FNBP4: variants seen among roughly 807,000 people sequenced by gnomAD.
FNBP4 encodes formin-binding protein 4.
A neutral mutation model predicts 119.3 loss-of-function variants in FNBP4; 34 were observed. That is an observed-to-expected ratio of 0.28 (90% CI 0.22 to 0.38). FNBP4 has a LOEUF of 0.38. Ranked by LOEUF, FNBP4 falls within the 10% of genes least tolerant of loss-of-function variation. The pLI is 1.00. For synonymous variants in FNBP4, 462 were observed against 430.6 expected, an observed-to-expected ratio of 1.07 and a Z score of -0.90; for missense variants, 1,112 against 1,228.9, an observed-to-expected ratio of 0.90 and a Z score of 1.42.
At chr11:47,753,176 T>C (rs2097607746) in intron 3 of FNBP4, 74 bp from the exon 4 acceptor site, 1 of 1,309,008 alleles carries the variant, frequency 7.6e-7, no homozygotes, top group Non-Finnish European at 1.0e-6. Context: ...GCAATCACTT[T>C]TTAAAAATTC....
intron 12 of FNBP4, chr11:47,730,057 A>G (rs2097565673): frequency 9.1e-6 from 9 of 985,308 alleles, no homozygotes; most frequent in Admixed American, 1.2e-4. Flanking sequence ...ATACTCATCT[A>G]AAGTGTTCAC....
At chr11:47,745,266 TTTC>T (rs1240896482) in intron 7 of FNBP4, among the ~76,000 whole-genome samples, 1 of 152,174 alleles carries the variant, frequency 6.6e-6, no homozygotes, top group African/African-American at 2.4e-5. Context: ...GAGCCATATT[TTTC>T]TTCTTGCATA....
At chr11:47,766,074 C>A (rs2097647225) in intron 1 of FNBP4, among the ~76,000 whole-genome samples, 1 of 151,888 alleles carries the variant, frequency 6.6e-6, no homozygotes, top group Non-Finnish European at 1.5e-5. Flanking sequence ...TGGCCGGGCG[C>A]GATGGCTCTC....
intron 13 of FNBP4, 87 bp downstream of exon 13, chr11:47,724,381 T>A: frequency 5.0e-6 from 8 of 1,597,930 alleles, no homozygotes; most frequent in Non-Finnish European, 6.8e-6. Context: ...GTGCCCGGCC[T>A]TTAAACATAT....
At chr11:47,749,632 T>A (rs557570038) in intron 6 of FNBP4, among the ~76,000 whole-genome samples, 1 of 152,262 alleles carries the variant, frequency 6.6e-6, no homozygotes, top group South Asian at 2.1e-4. Context: ...TGGAATTCAA[T>A]ATACACTCCC....
At chr11:47,752,118 A>AC (rs1245864747) in intron 4 of FNBP4, among the ~76,000 whole-genome samples, 1 of 152,062 alleles carries the variant, frequency 6.6e-6, no homozygotes, top group East Asian at 1.9e-4. Context: ...ACCATCTTCA[A>AC]CATGCTTTAT....
Position 47,727,251 on chromosome 11 carries a change from C to CTTT in FNBP4, c.2009-2476_2009-2474dup, listed in dbSNP as rs56258205. Among the ~76,000 whole-genome samples, 193 of 137,924 alleles carry CTTT rather than the reference C, an allele frequency of 1.4e-3. 5 individuals carry two copies. The highest frequency in any genetic ancestry group is 5.2e-3 in the East Asian group (25 of 4,830). 90.5% of individuals were successfully genotyped at this position (137,924 alleles called of 152,430 possible). On this transcript the variant is annotated intron_variant, in intron 12 of 16. Coordinates refer to ENST00000263773, the MANE Select transcript of FNBP4 (RefSeq NM_015308.5). ...AATATGTGAATCCAATACTTTTCTTCTTTTTTTTTTTTTTTTGTGACGGAG... is the reference window on the plus strand; with the variant it reads ...AATATGTGAATCCAATACTTTTCTTCTTTTTTTTTTTTTTTTTTTGTGACGGAG...
intron 8 of FNBP4, among the ~76,000 whole-genome samples, chr11:47,737,224 A>G (rs1430533987): frequency 6.6e-6 from 1 of 152,152 alleles, no homozygotes; most frequent in Admixed American, 6.6e-5. Context: ...AATCCTTTAT[A>G]ATCAACTTTC....
At chr11:47,743,922 A>C (rs2097585792) in intron 8 of FNBP4, 31 bp downstream of exon 8, 13 of 1,592,448 alleles carry the variant, frequency 8.2e-6, no homozygotes, top group African/African-American at 1.3e-5. Flanking sequence ...ATATCTTTCA[A>C]CTCTGAAGTT....
chr11:47,733,074 T>C (rs937271245), intron 10 of FNBP4, among the ~76,000 whole-genome samples: 2 of 152,166 alleles, frequency 1.3e-5, no homozygotes, highest in East Asian at 1.9e-4. Context: ...GCCGAGATCA[T>C]GCCATTGCAC....
At chr11:47,719,304 T>G (rs1056972179) in intron 16 of FNBP4, among the ~76,000 whole-genome samples, 1 of 152,214 alleles carries the variant, frequency 6.6e-6, no homozygotes, top group Non-Finnish European at 1.5e-5. Flanking sequence ...CTCCCTATCC[T>G]TTTATTCTAG....
chr11:47,720,547 C>T (rs964200064), intron 15 of FNBP4, among the ~76,000 whole-genome samples: 1 of 151,352 alleles, frequency 6.6e-6, no homozygotes, highest in Non-Finnish European at 1.5e-5. Context: ...GCCTGGGCTA[C>T]AGAGGGAGAC....
At position 47,754,623 on chromosome 11, in the gene FNBP4, C is replaced by T. The variant is rs1163824439; in HGVS notation, c.355G>A (p.Asp119Asn). The T allele has an allele frequency of 6.2e-7, 1 of 1,614,102 alleles. No homozygotes were observed. Among genetic ancestry groups the T allele is most frequent in the Non-Finnish European group, 8.5e-7 (1 of 1,180,022 alleles). Residue 119 changes from aspartate (D) to asparagine (N), a missense_variant, in exon 3 of 17, where the codon GAT becomes AAT. Around this residue, in one of 2 missense-constraint regions of FNBP4, gnomAD observed 286 missense variants for 240.1 expected, o/e 1.19. Transcript: ENST00000263773. Reference protein sequence around the residue: ...LLGAYADSDDDDNDVSEKLAQ... With the variant: ...LLGAYADSDDNDNDVSEKLAQ... ...AGTTTTTCGGAAACATCATTGTCAT[C>T]GTCATCACTGTCAGCATAAGCACCA...
chr11:47,744,696 T>C (rs2097586925), intron 7 of FNBP4, among the ~76,000 whole-genome samples: 1 of 152,230 alleles, frequency 6.6e-6, no homozygotes, highest in Non-Finnish European at 1.5e-5. Context: ...GAGAATGGGA[T>C]AACCATCCCC....
In FNBP4 at chr11:47,722,144, GTTTT is replaced by G. The variant is rs57726690; in HGVS notation, c.2805+828_2805+831del. Among the ~76,000 whole-genome samples, 5 of 133,564 alleles carry G rather than the reference GTTTT, an allele frequency of 3.7e-5. No homozygotes were observed. The South Asian group carries it at 7.1e-4, about 19-fold the overall frequency. The allele number at this position is 133,564 out of a possible 152,430, so 87.6% of individuals were successfully genotyped here. ...AAGAAAGGTTCTACAAAAGCAGAGGGTTTTTTTTTTTTTTGTCTGTTTGATGTAC... is the reference window on the plus strand; with the variant it reads ...AAGAAAGGTTCTACAAAAGCAGAGGGTTTTTTTTTTGTCTGTTTGATGTAC... On this transcript the variant is annotated intron_variant, in intron 15 of 16. Transcript: ENST00000263773.
intron 2 of FNBP4, among the ~76,000 whole-genome samples, chr11:47,760,534 C>T (rs555911191): frequency 5.3e-5 from 8 of 151,634 alleles, no homozygotes; most frequent in South Asian, 2.1e-4. Flanking sequence ...CGTGTTCAAG[C>T]GATTTTCCTG....
chr11:47,738,634 C>G (rs566586963), intron 8 of FNBP4, among the ~76,000 whole-genome samples: 1 of 152,036 alleles, frequency 6.6e-6, no homozygotes, highest in African/African-American at 2.4e-5. Flanking sequence ...TTGGGTAATC[C>G]TTCATCTTCA....
chr11:47,765,343 C>T lies in FNBP4; in HGVS notation c.240G>A (p.Gln80=), dbSNP rs2097644618. 1.3e-6 allele frequency: 2 copies of T among 1,598,400 alleles called. No homozygotes were observed. Among genetic ancestry groups the T allele is most frequent in the Non-Finnish European group, 8.5e-7 (1 of 1,173,020 alleles). Reference sequence around the variant, plus strand: ...GATTCTGAACAACTCTAGGAACCTCCTGCACCGCTTCCTGTTCATCTGGAT... The same window carrying T: ...GATTCTGAACAACTCTAGGAACCTCTTGCACCGCTTCCTGTTCATCTGGAT... The part of the protein sequence containing the change: ...SPSEDEQEAV[Q]EVPRVVQNPP... Residue 80 remains glutamine (Q), a synonymous_variant, in exon 2 of 17, where the codon CAG becomes CAA. Transcript: ENST00000263773.
intron 1 of FNBP4, 86 bp from the exon 2 acceptor site, chr11:47,765,448 A>C (rs1330787920): frequency 1.1e-6 from 1 of 951,738 alleles, no homozygotes; most frequent in African/African-American, 1.7e-5. Context: ...CAGAGAAAAC[A>C]CTAGAGGTGA....
Sources: allele counts gnomAD v4.1 joint callset (sites outside exome capture counted in the v4.1 genomes callset), GRCh38; gene constraint gnomAD v4.1.1; regional missense constraint gnomAD v4.1.1; transcripts MANE v1.5; gene names NCBI Gene and HGNC (gene_info 2026-07-23, HGNC 2026-07-21).